CCSER1: variants seen among roughly 807,000 people sequenced by gnomAD.
CCSER1 encodes coiled-coil serine rich protein 1, also known as serine-rich coiled-coil domain-containing protein 1.
Under a neutral mutation model 82.0 loss-of-function variants are expected in CCSER1, and 41 were observed. The observed-to-expected ratio is 0.50, with a 90% CI of 0.39 to 0.65. The LOEUF (loss-of-function observed/expected upper bound fraction) is 0.65. Ranked by LOEUF, CCSER1 falls within the 30% of genes least tolerant of loss-of-function variation. The pLI, the probability that CCSER1 is intolerant of heterozygous loss-of-function variation, is 0.00. For synonymous variants in CCSER1, 414 were observed against 383.9 expected (o/e 1.08, Z -0.92); for missense variants, 1,119 against 1,064.2 (o/e 1.05, Z -0.72).
intron 10 of CCSER1, among the ~76,000 whole-genome samples, chr4:91,286,845 T>G (rs1743314305): frequency 6.6e-6 from 1 of 151,882 alleles, no homozygotes. Context: ...GTTAAAAAAA[T>G]TAAATGTAGG....
At chr4:91,009,682 C>T (rs1267918492) in intron 9 of CCSER1, among the ~76,000 whole-genome samples, 2 of 151,934 alleles carry the variant, frequency 1.3e-5, no homozygotes, top group African/African-American at 4.8e-5. Flanking sequence ...TAGTTTTTGG[C>T]TTTGTGGTTG....
At chr4:91,414,927 T>C (rs1166143292) in intron 10 of CCSER1, among the ~76,000 whole-genome samples, 2 of 152,112 alleles carry the variant, frequency 1.3e-5, no homozygotes, top group African/African-American at 4.8e-5. Flanking sequence ...CACACCTATG[T>C]ATATAAAGCA....
intron 9 of CCSER1, among the ~76,000 whole-genome samples, chr4:91,063,111 G>T (rs893980745): frequency 6.6e-6 from 1 of 152,112 alleles, no homozygotes; most frequent in Non-Finnish European, 1.5e-5. Flanking sequence ...AAGTAAAATA[G>T]AAAATCTTGA....
At chr4:90,257,903 G>C (rs1017302437) in intron 1 of CCSER1, among the ~76,000 whole-genome samples, 1 of 152,162 alleles carries the variant, frequency 6.6e-6, no homozygotes, top group South Asian at 2.1e-4. Flanking sequence ...AAGGCAATCC[G>C]ATTGATTCAG....
chr4:90,705,561 G>A (rs1739169250), intron 6 of CCSER1, among the ~76,000 whole-genome samples: 1 of 152,202 alleles, frequency 6.6e-6, no homozygotes, highest in Admixed American at 6.5e-5. Context: ...GCTATGCCCG[G>A]CCCCCAGAGG....
chr4:91,021,575 A>T (rs888459330), intron 9 of CCSER1, among the ~76,000 whole-genome samples: 1 of 152,302 alleles, frequency 6.6e-6, no homozygotes, highest in South Asian at 2.1e-4. Flanking sequence ...TTATTCAAAA[A>T]CATTGTTTTG....
chr4:90,342,540 T>C (rs1373816456), intron 3 of CCSER1, among the ~76,000 whole-genome samples: 1 of 152,198 alleles, frequency 6.6e-6, no homozygotes, highest in African/African-American at 2.4e-5. Flanking sequence ...TACATTTCTA[T>C]ACTTTTGCAT....
intron 1 of CCSER1, among the ~76,000 whole-genome samples, chr4:90,244,491 A>T (rs1721066331): frequency 6.6e-6 from 1 of 152,210 alleles, no homozygotes; most frequent in Non-Finnish European, 1.5e-5. Flanking sequence ...GCCATAAAAA[A>T]ATACCTGAGA....
intron 10 of CCSER1, among the ~76,000 whole-genome samples, chr4:91,494,890 T>G (rs1241891030): frequency 6.6e-6 from 1 of 151,708 alleles, no homozygotes; most frequent in Non-Finnish European, 1.5e-5. Context: ...TTTTATGTCA[T>G]TAATTTTATT....
chr4:90,267,894 A>G (rs1463626549), intron 1 of CCSER1, among the ~76,000 whole-genome samples: 1 of 152,188 alleles, frequency 6.6e-6, no homozygotes, highest in African/African-American at 2.4e-5. Context: ...ACAAGCACAG[A>G]TTGCAAGGGA....
intron 10 of CCSER1, among the ~76,000 whole-genome samples, chr4:91,202,098 G>A (rs1259160964): frequency 6.6e-6 from 1 of 150,392 alleles, no homozygotes; most frequent in Non-Finnish European, 1.5e-5. Flanking sequence ...GCCTAATGTA[G>A]ATATTAATCT....
chr4:91,067,968 T>C (rs970320435), intron 9 of CCSER1, among the ~76,000 whole-genome samples: 1 of 152,180 alleles, frequency 6.6e-6, no homozygotes, highest in Non-Finnish European at 1.5e-5. Context: ...TCTTCTTGAC[T>C]GGTACATCCT....
At chr4:90,421,451 T>C (rs943109305) in intron 4 of CCSER1, among the ~76,000 whole-genome samples, 1 of 152,186 alleles carries the variant, frequency 6.6e-6, no homozygotes, top group Non-Finnish European at 1.5e-5. Flanking sequence ...TAGTGTTAAA[T>C]GCTGGCTCTT....
Position 91,600,251 on chromosome 4 carries a change from T to G in CCSER1, c.*1194T>G, listed in dbSNP as rs1192760120. On this transcript the variant is annotated 3_prime_UTR_variant, in exon 11 of 11. Coordinates refer to ENST00000509176, the MANE Select transcript of CCSER1 (RefSeq NM_001145065.2). ...TAATATGTTATATACTTATGTGCAC[T>G]TTAGATCAATATATGAATTGATCTA... 1.3e-5 allele frequency: 2 copies of G among 152,200 alleles called. No individual in the cohort carries two copies. The highest frequency in any genetic ancestry group is 4.8e-5 in the African/African-American group (2 of 41,464). The allele number at this position is 152,200 out of a possible 1,614,324, so 9.4% of individuals were successfully genotyped here.
chr4:90,302,384 G>C (rs1415331217), intron 1 of CCSER1, among the ~76,000 whole-genome samples: 1 of 152,174 alleles, frequency 6.6e-6, no homozygotes, highest in Non-Finnish European at 1.5e-5. Context: ...GAGTGTCAGG[G>C]ATGGCAACTT....
At chr4:91,063,863 A>G (rs1460157182) in intron 9 of CCSER1, among the ~76,000 whole-genome samples, 1 of 152,162 alleles carries the variant, frequency 6.6e-6, no homozygotes, top group African/African-American at 2.4e-5. Context: ...CATACTCCGA[A>G]TTGGTTCTCA....
intron 7 of CCSER1, among the ~76,000 whole-genome samples, chr4:90,767,565 T>C (rs1474505086): frequency 6.6e-6 from 1 of 152,220 alleles, no homozygotes; most frequent in Non-Finnish European, 1.5e-5. Flanking sequence ...TAACTGGATC[T>C]AAGAAAATAT....
chr4:90,832,110 T>C (rs995132342), intron 8 of CCSER1, among the ~76,000 whole-genome samples: 3 of 152,102 alleles, frequency 2.0e-5, no homozygotes, highest in East Asian at 1.9e-4. Flanking sequence ...TTCAGTGTTA[T>C]AAGTAACAAT....
intron 6 of CCSER1, among the ~76,000 whole-genome samples, chr4:90,648,257 GAAGA>G (rs140172710): frequency 1.4e-4 from 12 of 83,802 alleles, no homozygotes; most frequent in African/African-American, 4.9e-4. Flanking sequence ...AGGAAAAAAA[GAAGA>G]AAGAAAGAGA....
Sources: gnomAD v4.1 joint callset for allele counts (sites outside exome capture counted in the v4.1 genomes callset) on GRCh38, gnomAD v4.1.1 for gene constraint, MANE v1.5 for transcripts, NCBI Gene and HGNC (gene_info 2026-07-23, HGNC 2026-07-21) for gene names.